The following MNX1 variants were observed in gnomAD, a reference collection of about 807,000 sequenced individuals.
MNX1 encodes the protein motor neuron and pancreas homeobox 1.
Under a neutral mutation model 17.3 loss-of-function variants are expected in MNX1, and 2 were observed. The observed-to-expected ratio is 0.12, with a 90% CI of 0.05 to 0.36. The LOEUF is 0.36. MNX1 is among the 10% of genes least tolerant of loss of function. The probability of loss-of-function intolerance (pLI) is 1.00; values close to 1 mark genes in which losing one functional copy is unlikely to be tolerated. For missense variants in MNX1, 556 were observed against 564.7 expected, an observed-to-expected ratio of 0.98 and a Z score of 0.16; for synonymous variants, 306 against 283.1, an observed-to-expected ratio of 1.08 and a Z score of -0.81.
Position 157,006,310 on chromosome 7 carries a change from C to A in MNX1, c.852+169G>T. The A allele has an allele frequency of 1.5e-6, 1 of 680,286 alleles. No individual in the cohort carries two copies. Among genetic ancestry groups the A allele is most frequent in the Non-Finnish European group, 2.4e-6 (1 of 409,950 alleles). The allele number at this position is 680,286 out of a possible 1,614,324, so 42.1% of individuals were successfully genotyped here. A position where few individuals can be genotyped will look rare whatever the true frequency, so the allele number is the denominator to read the frequency against. Reference sequence around the variant, plus strand: ...TAAGTGCTGATTCTTGGGCCCCACCCGAAGCTACTGAATCGGCGCTCTGGG... The same window carrying A: ...TAAGTGCTGATTCTTGGGCCCCACCAGAAGCTACTGAATCGGCGCTCTGGG... On this transcript the variant is annotated intron_variant, in intron 2 of 2. Transcript: ENST00000252971. This position sits in a 1 kb window ranked among gnomAD's most constrained non-coding sequence, Gnocchi z 6.3.
Position 157,010,204 on chromosome 7 carries a change from CCCGCCGCCG to C in MNX1, c.138_146del (p.Gly47_Gly49del). 8.1e-7 allele frequency: 1 copy of C among 1,228,838 alleles called. No individual in the cohort carries two copies. The highest frequency in any genetic ancestry group is 1.0e-6 in the Non-Finnish European group (1 of 979,154). The allele number at this position is 1,228,838 out of a possible 1,614,324, so 76.1% of individuals were successfully genotyped here. On this transcript the variant is annotated inframe_deletion, in exon 1 of 3. Transcript: ENST00000252971. ...AGCTGCCGCTAGTCCCGCCGCTCGCCCCGCCGCCGCCGCCGCCACCTCCGGTGCCAGATG... is the reference window on the plus strand; with the variant it reads ...AGCTGCCGCTAGTCCCGCCGCTCGCCCCGCCGCCACCTCCGGTGCCAGATG...
Position 157,009,955 on chromosome 7 carries a change from G to GGCGGCGGCA in MNX1, c.395_396insTGCCGCCGC (p.Ala132_Ala134dup). The GGCGGCGGCA allele has an allele frequency of 2.1e-6, 2 of 963,574 alleles. No homozygotes were observed. The highest frequency in any genetic ancestry group is 4.7e-5 in the South Asian group (1 of 21,498). The allele number at this position is 963,574 out of a possible 1,614,324, so 59.7% of individuals were successfully genotyped here. A position where few individuals can be genotyped will look rare whatever the true frequency, so the allele number is the denominator to read the frequency against. On this transcript the variant is annotated inframe_insertion, in exon 1 of 3. Transcript: ENST00000252971. ...GCCCCAGCGCCAGGCCCCCAGCGGCGGCGGCGGCGGCGGCGGCGGCGGCAG... is the reference window on the plus strand; with the variant it reads ...GCCCCAGCGCCAGGCCCCCAGCGGCGGCGGCGGCAGCGGCGGCGGCGGCGGCGGCGGCAG...
Position 157,010,288 on chromosome 7 carries a change from G to A in MNX1, c.63C>T (p.Ala21=). ...ALLAVDPPRA[A]SAQSAPLALV... ...AGGCCAGCGGCGCGCTCTGCGCAGA[G>A]GCGGCTCGTGGGGGGTCCACCGCCA... Residue 21 remains alanine, a synonymous_variant, in exon 1 of 3, where the codon GCC becomes GCT. Coordinates refer to ENST00000252971, the MANE Select transcript of MNX1 (RefSeq NM_005515.4). 1 of 1,570,408 alleles carries A rather than the reference G, an allele frequency of 6.4e-7. No individual in the cohort carries two copies. Among genetic ancestry groups the A allele is most frequent in the African/African-American group, 1.4e-5 (1 of 71,388 alleles).
At chr7:157,008,762 G>A (rs1805649705) in intron 1 of MNX1, 1 of 580,802 alleles carries the variant, frequency 1.7e-6, no homozygotes. Flanking sequence ...CATCTGCTCG[G>A]CCCGACTCAT....
rs765779614 is a variant in MNX1, at chr7:157,006,459, G to T, written c.852+20C>A. ...TCCCCTGGGAGGCCGGGATGCGTCG[G>T]GGGCGGGGAGGGCGCGCACCTGGGT... On this transcript the variant is annotated intron_variant, in intron 2 of 2. Transcript: ENST00000252971. This position sits in a 1 kb window ranked among gnomAD's most constrained non-coding sequence, Gnocchi z 6.3. The T allele has an allele frequency of 6.2e-7, 1 of 1,606,638 alleles. No homozygotes were observed.
In MNX1 at chr7:157,006,985, G is replaced by A. The variant is rs543700032; in HGVS notation, c.692-346C>T. 15 of 213,040 alleles carry A rather than the reference G, an allele frequency of 7.0e-5. No homozygotes were observed. The highest frequency in any genetic ancestry group is 1.1e-4 in the Admixed American group (2 of 18,906). 13.2% of individuals were successfully genotyped at this position (213,040 alleles called of 1,614,324 possible). A position where few individuals can be genotyped will look rare whatever the true frequency, so the allele number is the denominator to read the frequency against. Reference sequence around the variant, plus strand: ...GACCCAGAGGCAAGAGGAGAACTGAGGCCAGTCGGGGGCCAGGAAGGGAGG... The same window carrying A: ...GACCCAGAGGCAAGAGGAGAACTGAAGCCAGTCGGGGGCCAGGAAGGGAGG... On this transcript the variant is annotated intron_variant, in intron 1 of 2. Coordinates refer to ENST00000252971, the MANE Select transcript of MNX1 (RefSeq NM_005515.4). The surrounding 1 kb of genome is among the most constrained non-coding windows in gnomAD (Gnocchi z 6.3).
Position 157,006,278 on chromosome 7 carries a change from G to T in MNX1, c.852+201C>A. 1.7e-6 allele frequency: 1 copy of T among 605,376 alleles called. No homozygotes were observed. The highest frequency in any genetic ancestry group is 2.9e-6 in the Non-Finnish European group (1 of 344,768). 37.5% of individuals were successfully genotyped at this position (605,376 alleles called of 1,614,324 possible). A position where few individuals can be genotyped will look rare whatever the true frequency, so the allele number is the denominator to read the frequency against. On this transcript the variant is annotated intron_variant, in intron 2 of 2. Transcript: ENST00000252971. This position sits in a 1 kb window ranked among gnomAD's most constrained non-coding sequence, Gnocchi z 6.3. ...ATCACCTTCTTCAGAATGAAAGGAG[G>T]GGTGGTTAAGTGCTGATTCTTGGGC...
chr7:157,006,491 G>A lies in MNX1; in HGVS notation c.840C>T (p.Leu280=), dbSNP rs1805602012. The A allele has an allele frequency of 6.2e-7, 1 of 1,610,872 alleles. No individual in the cohort carries two copies. Residue 280 remains leucine (L), a synonymous_variant, in exon 2 of 3, where the codon CTC becomes CTT. Coordinates refer to ENST00000252971, the MANE Select transcript of MNX1 (RefSeq NM_005515.4). The surrounding 1 kb of genome is among the most constrained non-coding windows in gnomAD (Gnocchi z 6.3). ...KRFEVATSLM[L]TETQVKIWFQ... is the part of the protein sequence containing the mutation. Reference sequence around the variant, plus strand: ...GGAGGGCGCGCACCTGGGTCTCGGTGAGCATGAGCGAGGTGGCCACCTCGA... The same window carrying A: ...GGAGGGCGCGCACCTGGGTCTCGGTAAGCATGAGCGAGGTGGCCACCTCGA...
In MNX1 at chr7:157,010,151, G is replaced by A. The variant is rs1023235516; in HGVS notation, c.200C>T (p.Ala67Val). Reference sequence around the variant, plus strand: ...GGCGCGCAGGCGGTCGGCGGGCGCAGCCGGCGGCTCCGAGGACGCGGGGCT... The same window carrying A: ...GGCGCGCAGGCGGTCGGCGGGCGCAACCGGCGGCTCCGAGGACGCGGGGCT... ...SCSPASSEPP[A>V]APADRLRAES... is the part of the protein sequence containing the mutation. The change falls in exon 1 of 3, where the codon GCT becomes GTT. Residue 67 changes from alanine to valine, a missense_variant. Around this residue, in one of 7 missense-constraint regions of MNX1, gnomAD observed 115 missense variants for 103.5 expected, o/e 1.11. Transcript: ENST00000252971. 8 of 1,088,646 alleles carry A rather than the reference G, an allele frequency of 7.3e-6. No homozygotes were observed. In the African/African-American group the frequency reaches 1.2e-4, roughly 16 times the overall value. The allele number at this position is 1,088,646 out of a possible 1,614,324, so 67.4% of individuals were successfully genotyped here.
At chr7:157,005,955 C>G (rs913986361) in intron 2 of MNX1, 82 bp from the exon 3 acceptor site, 1 of 1,548,516 alleles carries the variant, frequency 6.5e-7, no homozygotes, top group Non-Finnish European at 8.8e-7. Context: ...CCGCGTGCGC[C>G]TGGGCCCCAT....
At position 157,010,309 on chromosome 7, in the gene MNX1, CG is replaced by C; in HGVS notation, c.41del (p.Ala14GlyfsTer208). On this transcript the variant is annotated frameshift_variant, in exon 1 of 3. Coordinates refer to ENST00000252971, the MANE Select transcript of MNX1 (RefSeq NM_005515.4). LOFTEE classifies it high-confidence loss of function. ...SKNFRIDALLAVDPPRAASAQ... is the reference protein window; with the variant it reads ...SKNFRIDALLXVDPPRAASAQ... ...CAGAGGCGGCTCGTGGGGGGTCCAC[CG>C]CCAGCAGGGCGTCGATGCGGAAATT... 6.3e-7 allele frequency: 1 copy of C among 1,579,682 alleles called. No individual in the cohort carries two copies. The highest frequency in any genetic ancestry group is 1.7e-5 in the Admixed American group (1 of 57,176).
At chr7:157,008,761 G>C (rs947451068) in intron 1 of MNX1, 6 of 578,540 alleles carry the variant, frequency 1.0e-5, no homozygotes, top group Non-Finnish European at 1.8e-5. Flanking sequence ...ACATCTGCTC[G>C]GCCCGACTCA....
chr7:157,005,929 C>G, intron 2 of MNX1, 56 bp from the exon 3 acceptor site: 3 of 1,590,550 alleles, frequency 1.9e-6, no homozygotes, highest in Non-Finnish European at 2.6e-6. Flanking sequence ...GGCTTCCTGT[C>G]CCCGGAGTCC....
chr7:157,006,663 C>G lies in MNX1; in HGVS notation c.692-24G>C. 1.3e-6 allele frequency: 2 copies of G among 1,557,360 alleles called. No homozygotes were observed. The highest frequency in any genetic ancestry group is 1.7e-6 in the Non-Finnish European group (2 of 1,152,288). ...GGCTGGGGACCAAAGGGCAGTGAGG[C>G]CCACAGCCGGCTCCGGTCCTCGCCC... On this transcript the variant is annotated intron_variant, in intron 1 of 2. Transcript: ENST00000252971. This position sits in a 1 kb window ranked among gnomAD's most constrained non-coding sequence, Gnocchi z 6.3.
Position 157,004,957 on chromosome 7 carries a change from C to A in MNX1, c.*563G>T. On this transcript the variant is annotated 3_prime_UTR_variant, in exon 3 of 3. Coordinates refer to ENST00000252971, the MANE Select transcript of MNX1 (RefSeq NM_005515.4). This position sits in a 1 kb window ranked among gnomAD's most constrained non-coding sequence, Gnocchi z 6.2. ...AGACGTTTCTTTTTATATATAAATA[C>A]AATATACAAAAATAAAGACAGTACA... 1 of 208,624 alleles carries A rather than the reference C, an allele frequency of 4.8e-6. No individual in the cohort carries two copies. Among genetic ancestry groups the A allele is most frequent in the Non-Finnish European group, 9.8e-6 (1 of 102,400 alleles). 12.9% of individuals were successfully genotyped at this position (208,624 alleles called of 1,614,324 possible). A position where few individuals can be genotyped will look rare whatever the true frequency, so the allele number is the denominator to read the frequency against.
At chr7:157,007,614 C>T (rs778105299) in intron 1 of MNX1, 1 of 152,252 alleles carries the variant, frequency 6.6e-6, no homozygotes, top group Non-Finnish European at 1.5e-5. Flanking sequence ...TCAAGGAGGC[C>T]TGCCCGGCTT....
In MNX1 at chr7:157,005,478, G is replaced by C. The variant is rs562610862; in HGVS notation, c.*42C>G. ...GGGCCTCCGGGAGAAGCCGCCGGCC[G>C]GGGCGCTCCGTGCGCGCCGCACCTG... is the stretch of plus-strand genomic sequence containing the variant. On this transcript the variant is annotated 3_prime_UTR_variant, in exon 3 of 3. Transcript: ENST00000252971. The C allele has an allele frequency of 1.8e-3, 2,174 of 1,241,200 alleles. 30 individuals are homozygous for C. In the African/African-American group the frequency reaches 0.03, roughly 17 times the overall value. 76.9% of individuals were successfully genotyped at this position (1,241,200 alleles called of 1,614,324 possible).
rs377634311 is a variant in MNX1, at chr7:157,006,458, G to C, written c.852+21C>G. 11 of 1,605,848 alleles carry C rather than the reference G, an allele frequency of 6.8e-6. No individual in the cohort carries two copies. The highest frequency in any genetic ancestry group is 9.3e-6 in the Non-Finnish European group (11 of 1,177,788). On this transcript the variant is annotated intron_variant, in intron 2 of 2. Coordinates refer to ENST00000252971, the MANE Select transcript of MNX1 (RefSeq NM_005515.4). The surrounding 1 kb of genome is among the most constrained non-coding windows in gnomAD (Gnocchi z 6.3). ...GTCCCCTGGGAGGCCGGGATGCGTC[G>C]GGGGCGGGGAGGGCGCGCACCTGGG...
In MNX1 at chr7:157,009,769, G is replaced by C; in HGVS notation, c.582C>G (p.Pro194=). The C allele has an allele frequency of 2.5e-6, 4 of 1,599,308 alleles. No homozygotes were observed. The highest frequency in any genetic ancestry group is 1.1e-5 in the South Asian group (1 of 90,082). Residue 194 remains proline (P), a synonymous_variant, in exon 1 of 3, where the codon CCC becomes CCG. Coordinates refer to ENST00000252971, the MANE Select transcript of MNX1 (RefSeq NM_005515.4). ...GCTTGATGGGGTCGGCGGGGTGCGCGGGGTGCGCGCCTTGCACCTGCGGGT... is the reference window on the plus strand; with the variant it reads ...GCTTGATGGGGTCGGCGGGGTGCGCCGGGTGCGCGCCTTGCACCTGCGGGT... ...YSYPQVQGAH[P]AHPADPIKLG...
Sources: gnomAD v4.1 joint callset for allele counts on GRCh38, gnomAD v4.1.1 for gene constraint, gnomAD v4.1.1 regional missense constraint, Gnocchi (gnomAD v3.1) non-coding constraint, MANE v1.5 for transcripts, NCBI Gene and HGNC (gene_info 2026-07-23, HGNC 2026-07-21) for gene names.